Variants in SMC1A observed in about 807,000 individuals in gnomAD.
SMC1A encodes the protein structural maintenance of chromosomes protein 1A.
SMC1A carries 4 observed loss-of-function variants against 94.5 expected under a neutral mutation model. That is an observed-to-expected ratio of 0.04 (90% CI 0.02 to 0.10). The LOEUF (loss-of-function observed/expected upper bound fraction) is 0.10, where lower values mean the gene tolerates loss of function less well. SMC1A is among the 10% of genes least tolerant of loss of function. The pLI is 1.00. For missense variants in SMC1A, 304 were observed against 989.0 expected, an observed-to-expected ratio of 0.31 and a Z score of 9.29; for synonymous variants, 345 against 347.7, an observed-to-expected ratio of 0.99 and a Z score of 0.09.
At position 53,378,389 on chromosome X, in the gene SMC1A, G is replaced by GA. The variant is rs1239060369; in HGVS notation, c.*1713dup. 8.9e-6 allele frequency: 1 copy of GA among 112,649 alleles called. No individual in the cohort carries two copies. The highest frequency in any genetic ancestry group is 3.2e-5 in the African/African-American group (1 of 31,041). 9.3% of individuals were successfully genotyped at this position (112,649 alleles called of 1,213,427 possible). A position where few individuals can be genotyped will look rare whatever the true frequency, so the allele number is the denominator to read the frequency against. On this transcript the variant is annotated 3_prime_UTR_variant, in exon 25 of 25. Coordinates refer to ENST00000322213, the MANE Select transcript of SMC1A (RefSeq NM_006306.4). ...ATCTATACAGCAATTACAGAAGATG[G>GA]ATTGAGCTACATTAAGTAACATGCA...
intron 9 of SMC1A, among the ~76,000 whole-genome samples, chrX:53,406,949 C>T (rs1426255917): frequency 8.9e-6 from 1 of 112,138 alleles, no homozygotes; most frequent in Non-Finnish European, 1.9e-5. Flanking sequence ...CTGCCCGCCT[C>T]GGCCTCCCAA....
chrX:53,394,646 G>C, intron 19 of SMC1A, 132 bp downstream of exon 19: 1 of 495,257 alleles, frequency 2.0e-6, no homozygotes, highest in South Asian at 2.8e-5. Flanking sequence ...ACCCTTGCCA[G>C]CTTTCCCCTC....
intron 19 of SMC1A, among the ~76,000 whole-genome samples, chrX:53,391,103 C>G (rs782268796): frequency 9.3e-6 from 1 of 107,060 alleles, no homozygotes; most frequent in Non-Finnish European, 1.9e-5. Flanking sequence ...CACATGAGGT[C>G]AGGAGTTCAA....
At chrX:53,391,207 C>T (rs2075628295) in intron 19 of SMC1A, among the ~76,000 whole-genome samples, 1 of 108,968 alleles carries the variant, frequency 9.2e-6, no homozygotes, top group Admixed American at 9.8e-5. Context: ...CCCAGCTACT[C>T]AGGACGCTGA....
At chrX:53,396,099 C>T in intron 18 of SMC1A, 128 bp downstream of exon 18, 2 of 817,438 alleles carry the variant, frequency 2.4e-6, no homozygotes, top group Admixed American at 4.5e-5. Flanking sequence ...TGCTGCATCC[C>T]TTTTCATGTC....
chrX:53,389,842 C>CTTTTTTTTTTTTTTTTTT (rs1193457348), intron 19 of SMC1A, among the ~76,000 whole-genome samples: 1 of 55,092 alleles, frequency 1.8e-5, no homozygotes, highest in Admixed American at 2.6e-4. Flanking sequence ...TCCAGAATTT[C>CTTTTTTTTTTTTTTTTTT]TTTTTTTTTT....
At chrX:53,380,808 G>T in intron 23 of SMC1A, 78 bp from the exon 24 acceptor site, 2 of 758,580 alleles carry the variant, frequency 2.6e-6, no homozygotes, top group Non-Finnish European at 4.1e-6. Context: ...CAACCAGAAG[G>T]CAGAAGAGGT....
chrX:53,411,707 T>A (rs1291564005), intron 7 of SMC1A, 54 bp downstream of exon 7: 16 of 1,172,137 alleles, frequency 1.4e-5, no homozygotes, highest in Admixed American at 2.2e-5. Context: ...ATGCTCAACC[T>A]ATATATATCC....
Position 53,376,115 on chromosome X carries a change from C to A in SMC1A, c.*3988G>T, listed in dbSNP as rs2075558834. 8.9e-6 allele frequency: 1 copy of A among 112,393 alleles called. No homozygotes were observed. Among genetic ancestry groups the A allele is most frequent in the Non-Finnish European group, 1.9e-5 (1 of 53,223 alleles). The allele number at this position is 112,393 out of a possible 1,213,427, so 9.3% of individuals were successfully genotyped here. ...GTGGTGCCTAAAGCTTATTCAGAGA[C>A]AAAATAAGCAAATATAGTAGTGTAA... On this transcript the variant is annotated 3_prime_UTR_variant, in exon 25 of 25. Transcript: ENST00000322213.
rs2075559475 is a variant in SMC1A at position 53,376,321 on chromosome X, A to C, written c.*3782T>G. The C allele has an allele frequency of 9.0e-6, 1 of 111,624 alleles. No homozygotes were observed. The allele number at this position is 111,624 out of a possible 1,213,427, so 9.2% of individuals were successfully genotyped here. On this transcript the variant is annotated 3_prime_UTR_variant, in exon 25 of 25. Coordinates refer to ENST00000322213, the MANE Select transcript of SMC1A (RefSeq NM_006306.4). ...CACTGCCTTCAAGCTATGGTTTCCA[A>C]ATCTGGCTGTACCCTAGTCATGTGG...
chrX:53,394,751 C>CCCCCCCCCCCCGTGGGTT, intron 19 of SMC1A, 27 bp downstream of exon 19: 1 of 724,082 alleles, frequency 1.4e-6, no homozygotes. Context: ...CCCCCACCCC[C>CCCCCCCCCCCCGTGGGTT]ACCACACCCC....
chrX:53,408,116 G>A (rs1202634991), intron 9 of SMC1A, among the ~76,000 whole-genome samples: 1 of 111,846 alleles, frequency 8.9e-6, no homozygotes, highest in African/African-American at 3.3e-5. Context: ...ATCACTTGAG[G>A]TCAGGAGTTT....
chrX:53,411,925 A>G, intron 6 of SMC1A, 24 bp from the exon 7 acceptor site: 1 of 1,211,192 alleles, frequency 8.3e-7, no homozygotes, highest in Non-Finnish European at 1.1e-6. Flanking sequence ...AGGGAAGGAG[A>G]ACAGGGATGA....
chrX:53,394,731 T>TGCCCCCCCCCCCCCCCCCCCCCCCC, intron 19 of SMC1A, 47 bp downstream of exon 19: 1 of 416,226 alleles, frequency 2.4e-6, no homozygotes, highest in Non-Finnish European at 4.4e-6. Flanking sequence ...ATAGTCCCAC[T>TGCCCCCCCCCCCCCCCCCCCCCCCC]CCCACCCAAC....
intron 3 of SMC1A, among the ~76,000 whole-genome samples, chrX:53,414,153 A>G (rs2146606161): frequency 9.0e-6 from 1 of 111,460 alleles, no homozygotes; most frequent in Admixed American, 9.6e-5. Context: ...TGAAGAGGAA[A>G]AGTAATATGC....
At chrX:53,385,253 T>C (rs1034320424) in intron 19 of SMC1A, among the ~76,000 whole-genome samples, 12 of 90,002 alleles carry the variant, frequency 1.3e-4, no homozygotes, top group African/African-American at 3.5e-4. Flanking sequence ...GTCTCCAGAA[T>C]AGGTTTTTTT....
At chrX:53,397,473 T>C (rs782817170) in intron 16 of SMC1A, among the ~76,000 whole-genome samples, 3 of 111,108 alleles carry the variant, frequency 2.7e-5, no homozygotes, top group Non-Finnish European at 5.7e-5. Flanking sequence ...CCCAGCTACT[T>C]GAGAGGTTGA....
In SMC1A at chrX:53,377,943, C is replaced by A. The variant is rs896230440; in HGVS notation, c.*2160G>T. The A allele has an allele frequency of 2.7e-5, 3 of 111,870 alleles. No homozygotes were observed. Among genetic ancestry groups the A allele is most frequent in the African/African-American group, 9.8e-5 (3 of 30,680 alleles). 9.2% of individuals were successfully genotyped at this position (111,870 alleles called of 1,213,427 possible). A position where few individuals can be genotyped will look rare whatever the true frequency, so the allele number is the denominator to read the frequency against. ...ATGGCACACAGTACCACCAGTGGTA[C>A]GTGACTTCTTTGGTTGAAAACAGAC... On this transcript the variant is annotated 3_prime_UTR_variant, in exon 25 of 25. Coordinates refer to ENST00000322213, the MANE Select transcript of SMC1A (RefSeq NM_006306.4).
chrX:53,382,087 T>A (rs2075585448), intron 22 of SMC1A, 145 bp downstream of exon 22: 2 of 702,874 alleles, frequency 2.8e-6, no homozygotes, highest in Non-Finnish European at 2.2e-6. Context: ...AAGCCAGATA[T>A]GCTGCAGTAG....
Sources: gnomAD v4.1 joint callset for allele counts (sites outside exome capture counted in the v4.1 genomes callset) on GRCh38, gnomAD v4.1.1 for gene constraint, MANE v1.5 for transcripts, NCBI Gene and HGNC (gene_info 2026-07-23, HGNC 2026-07-21) for gene names.